The following WDR59 variants were observed in gnomAD, a reference collection of about 807,000 sequenced individuals.
The protein encoded by WDR59 is WD repeat domain 59.
In WDR59, 100 loss-of-function variants were observed where a neutral mutation model predicts 131.2. The observed-to-expected ratio is 0.76, with a 90% CI of 0.65 to 0.90. WDR59 has a LOEUF of 0.90. Ranked by LOEUF, WDR59 falls within the 40% of genes least tolerant of loss-of-function variation. The pLI is 0.00. For missense variants in WDR59, 1,203 were observed against 1,262.2 expected (o/e 0.95, Z 0.71); for synonymous variants, 601 against 466.2 (o/e 1.29, Z -3.72).
At chr16:74,926,227 T>G (rs537068276) in intron 8 of WDR59, among the ~76,000 whole-genome samples, 1 of 151,962 alleles carries the variant, frequency 6.6e-6, no homozygotes, top group South Asian at 2.1e-4. Flanking sequence ...GCCTGGCTAA[T>G]TTTTTGTATT....
Position 74,927,542 on chromosome 16 carries a change from C to A in WDR59, c.652-3539G>T, listed in dbSNP as rs149533274. 1.6e-4 allele frequency among the ~76,000 whole-genome samples: 23 copies of A among 141,884 alleles called. No homozygotes were observed. In the Admixed American group the frequency reaches 1.8e-3, roughly 11 times the overall value. 93.1% of individuals were successfully genotyped at this position (141,884 alleles called of 152,430 possible). A position where few individuals can be genotyped will look rare whatever the true frequency, so the allele number is the denominator to read the frequency against. ...GGTGGAGGTTGCAGTGAGCTGAGACCGCGCCACTGCACTCCAGCCTGGGCA... is the reference window on the plus strand; with the variant it reads ...GGTGGAGGTTGCAGTGAGCTGAGACAGCGCCACTGCACTCCAGCCTGGGCA... On this transcript the variant is annotated intron_variant, in intron 8 of 25. Transcript: ENST00000262144.
intron 5 of WDR59, among the ~76,000 whole-genome samples, chr16:74,949,330 C>CAAAAAAAAAA (rs550013099): frequency 2.3e-5 from 1 of 42,588 alleles, no homozygotes; most frequent in Non-Finnish European, 5.5e-5. Flanking sequence ...TACCTTGTCT[C>CAAAAAAAAAA]AAAAAAAAAA....
chr16:74,932,092 TTTTA>T (rs1013373024), intron 8 of WDR59, among the ~76,000 whole-genome samples: 2 of 149,424 alleles, frequency 1.3e-5, no homozygotes, highest in South Asian at 4.2e-4. Context: ...TATATATTTA[TTTTA>T]TTTATTTATT....
At chr16:74,946,474 CACT>C (rs1202310430) in intron 6 of WDR59, among the ~76,000 whole-genome samples, 8 of 152,162 alleles carry the variant, frequency 5.3e-5, no homozygotes. Flanking sequence ...ATAATCCCAA[CACT>C]TTAGGAGGCC....
Position 74,975,893 on chromosome 16 carries a change from G to A in WDR59, c.54+9071C>T, listed in dbSNP as rs1228407676. On this transcript the variant is annotated intron_variant, in intron 1 of 25. Transcript: ENST00000262144. ...AGGCCAGGTGCAGTGGCTCATGCCTGTGATCACAGCACTTTGGGAGGCTAA... is the reference window on the plus strand; with the variant it reads ...AGGCCAGGTGCAGTGGCTCATGCCTATGATCACAGCACTTTGGGAGGCTAA... Among the ~76,000 whole-genome samples, 6 of 151,942 alleles carry A rather than the reference G, an allele frequency of 3.9e-5. No individual in the cohort carries two copies. In the East Asian group the frequency reaches 1.2e-3, roughly 29 times the overall value.
At chr16:74,902,491 C>T (rs1965600256) in intron 18 of WDR59, among the ~76,000 whole-genome samples, 1 of 152,156 alleles carries the variant, frequency 6.6e-6, no homozygotes, top group Non-Finnish European at 1.5e-5. Context: ...GAGGCCTCAT[C>T]TTGGAACTGG....
At chr16:74,889,952 A>G (rs1964958240) in intron 20 of WDR59, 137 bp from the exon 21 acceptor site, 1 of 603,882 alleles carries the variant, frequency 1.7e-6, no homozygotes, top group Non-Finnish European at 2.9e-6. Flanking sequence ...TCCTTATTGA[A>G]ATGCATAAGT....
At chr16:74,981,151 G>A (rs574270878) in intron 1 of WDR59, among the ~76,000 whole-genome samples, 5 of 151,596 alleles carry the variant, frequency 3.3e-5, no homozygotes, top group Non-Finnish European at 7.4e-5. Context: ...GGATCACAAG[G>A]TCAGGAGATC....
At chr16:74,927,196 T>G (rs1429859680) in intron 8 of WDR59, among the ~76,000 whole-genome samples, 1 of 152,226 alleles carries the variant, frequency 6.6e-6, no homozygotes, top group Non-Finnish European at 1.5e-5. Context: ...ATTGAAAAGT[T>G]TAGATGGCAT....
At chr16:74,900,762 G>A (rs754822727) in intron 18 of WDR59, among the ~76,000 whole-genome samples, 35 of 152,322 alleles carry the variant, frequency 2.3e-4, no homozygotes, top group Admixed American at 5.2e-4. Context: ...AACACACAAA[G>A]CCACAAGAGA....
At chr16:74,876,835 C>T (rs1306535201) in intron 25 of WDR59, among the ~76,000 whole-genome samples, 1 of 152,124 alleles carries the variant, frequency 6.6e-6, no homozygotes, top group Non-Finnish European at 1.5e-5. Flanking sequence ...CTTCCTCTCA[C>T]CACTTCAGGG....
intron 6 of WDR59, among the ~76,000 whole-genome samples, chr16:74,946,890 G>A (rs2032676089): frequency 6.6e-6 from 1 of 152,114 alleles, no homozygotes; most frequent in African/African-American, 2.4e-5. Flanking sequence ...CCAAATGTGT[G>A]TTCCAATGCA....
chr16:74,938,267 C>G lies in WDR59; in HGVS notation c.535-1G>C. 2 of 1,520,854 alleles carry G rather than the reference C, an allele frequency of 1.3e-6. No individual in the cohort carries two copies. The highest frequency in any genetic ancestry group is 1.8e-6 in the Non-Finnish European group (2 of 1,131,980). 94.2% of individuals were successfully genotyped at this position (1,520,854 alleles called of 1,614,324 possible). A position where few individuals can be genotyped will look rare whatever the true frequency, so the allele number is the denominator to read the frequency against. On this transcript the variant is annotated splice_acceptor_variant, in intron 7 of 25. Transcript: ENST00000262144. LOFTEE classifies it high-confidence loss of function. ...GATATTCCACTGCTGTACTGGGTTT[C>G]TGCAACAGATCAGCACCTAATATTA...
chr16:74,982,397 C>G (rs1167524679), intron 1 of WDR59, among the ~76,000 whole-genome samples: 1 of 151,996 alleles, frequency 6.6e-6, no homozygotes, highest in Non-Finnish European at 1.5e-5. Context: ...TAAAATTACC[C>G]AATTTACTTT....
intron 1 of WDR59, among the ~76,000 whole-genome samples, chr16:74,969,462 G>A (rs974948285): frequency 6.6e-6 from 1 of 151,928 alleles, no homozygotes; most frequent in Non-Finnish European, 1.5e-5. Flanking sequence ...TAGTAGAGAC[G>A]GGGTTTCACC....
At chr16:74,903,918 G>A in intron 18 of WDR59, 29 bp downstream of exon 18, 1 of 1,591,744 alleles carries the variant, frequency 6.3e-7, no homozygotes, top group Non-Finnish European at 8.6e-7. Context: ...GAAGGGGTAA[G>A]AATCAAAGGC....
intron 23 of WDR59, among the ~76,000 whole-genome samples, chr16:74,887,165 C>T (rs1964809088): frequency 6.6e-6 from 1 of 152,184 alleles, no homozygotes; most frequent in African/African-American, 2.4e-5. Context: ...ATTTTCTTCT[C>T]TAATACTTTT....
chr16:74,981,201 T>TA (rs554497011), intron 1 of WDR59, among the ~76,000 whole-genome samples: 121 of 150,742 alleles, frequency 8.0e-4, no homozygotes, highest in Non-Finnish European at 1.4e-3. Flanking sequence ...CTGTCTCTAC[T>TA]AAAAAAAATA....
At chr16:74,881,803 G>C (rs141773448) in intron 25 of WDR59, among the ~76,000 whole-genome samples, 345 of 151,240 alleles carry the variant, frequency 2.3e-3, no homozygotes, top group African/African-American at 7.4e-3. Flanking sequence ...AACCAAGGAG[G>C]GGGAGGTTGC....
Sources: gnomAD v4.1 joint callset for allele counts (sites outside exome capture counted in the v4.1 genomes callset) on GRCh38, gnomAD v4.1.1 for gene constraint, MANE v1.5 for transcripts, NCBI Gene and HGNC (gene_info 2026-07-23, HGNC 2026-07-21) for gene names.